Variants in TAF4 observed in about 807,000 individuals in gnomAD.
The protein encoded by TAF4 is transcription initiation factor TFIID subunit 4.
Under a neutral mutation model 90.3 loss-of-function variants are expected in TAF4, and 9 were observed. That is an observed-to-expected ratio of 0.10 (90% CI 0.06 to 0.17). The LOEUF is 0.17. TAF4 is among the 10% of genes least tolerant of loss of function. The pLI is 1.00. For synonymous variants in TAF4, 818 were observed against 638.9 expected, an observed-to-expected ratio of 1.28 and a Z score of -4.23; for missense variants, 1,351 against 1,370.7, an observed-to-expected ratio of 0.99 and a Z score of 0.23.
chr20:61,986,943 G>A (rs2123105419), intron 14 of TAF4, among the ~76,000 whole-genome samples: 1 of 152,328 alleles, frequency 6.6e-6, no homozygotes, highest in African/African-American at 2.4e-5. Flanking sequence ...GCCCACGCAG[G>A]GGCCAAAGGC....
chr20:62,041,539 G>GA (rs1203510037), intron 1 of TAF4, among the ~76,000 whole-genome samples: 1 of 152,060 alleles, frequency 6.6e-6, no homozygotes, highest in Non-Finnish European at 1.5e-5. Context: ...TGAGACAGGA[G>GA]AATTGCTTGA....
Position 62,003,256 on chromosome 20 carries a change from G to C in TAF4, c.2390C>G (p.Ala797Gly). 6.2e-7 allele frequency: 1 copy of C among 1,614,106 alleles called. No individual in the cohort carries two copies. The stretch of plus-strand genomic sequence containing the variant: ...AAGGGCTTTGGTTCCAGGTAACACG[G>C]CGGGTTTCACCACAGGGACTACAAA... ...PLQPVPVVKPAVLPGTKALSA... is the reference protein window; with the variant it reads ...PLQPVPVVKPGVLPGTKALSA... The change falls in exon 9 of 15, where the codon GCC becomes GGC. Residue 797 changes from alanine (A) to glycine (G), a missense_variant. Physicochemically the swap from Ala to Gly is moderately conservative, Grantham distance 60. Coordinates refer to ENST00000252996, the MANE Select transcript of TAF4 (RefSeq NM_003185.4).
chr20:62,064,923 G>A lies in TAF4; in HGVS notation c.888C>T (p.Ala296=), dbSNP rs1291834472. The A allele has an allele frequency of 1.6e-6, 1 of 612,048 alleles. No homozygotes were observed. The highest frequency in any genetic ancestry group is 2.0e-6 in the Non-Finnish European group (1 of 496,026). The allele number at this position is 612,048 out of a possible 1,614,324, so 37.9% of individuals were successfully genotyped here. The change falls in exon 1 of 15, where the codon GCC becomes GCT. Residue 296 remains alanine (A), a synonymous_variant. Transcript: ENST00000252996. ...HPAGPPTAAP[A]VPPPAAAQNG... ...TCTGGGCGGCGGCGGGGGGCGGCAC[G>A]GCGGGCGCGGCGGTCGGGGGTCCGG...
chr20:61,994,756 C>A (rs565454436), intron 14 of TAF4, among the ~76,000 whole-genome samples: 1 of 152,206 alleles, frequency 6.6e-6, no homozygotes, highest in Admixed American at 6.5e-5. Flanking sequence ...CACCTGCATA[C>A]CAAGAAGCGG....
chr20:62,012,109 C>A (rs2055782493), intron 3 of TAF4: 1 of 152,364 alleles, frequency 6.6e-6, no homozygotes, highest in Non-Finnish European at 1.5e-5. Flanking sequence ...AGCACCTGCT[C>A]TGGGACACGC....
intron 1 of TAF4, among the ~76,000 whole-genome samples, chr20:62,052,474 C>T (rs2056034623): frequency 6.6e-6 from 1 of 151,984 alleles, no homozygotes; most frequent in African/African-American, 2.4e-5. Context: ...CAGCTGAGAT[C>T]GACAAACCCC....
intron 7 of TAF4, chr20:62,005,203 G>A (rs146701859): frequency 6.6e-6 from 1 of 152,308 alleles, no homozygotes; most frequent in East Asian, 1.9e-4. Context: ...GCCCGGGCCA[G>A]GCCCTGCGGT....
chr20:62,047,255 GCTA>G (rs2055998737), intron 1 of TAF4, among the ~76,000 whole-genome samples: 2 of 152,284 alleles, frequency 1.3e-5, no homozygotes, highest in South Asian at 4.1e-4. Context: ...GGCTATGGTA[GCTA>G]CCACTGCAAT....
At chr20:61,983,816 C>T (rs2055565207) in intron 14 of TAF4, among the ~76,000 whole-genome samples, 2 of 152,110 alleles carry the variant, frequency 1.3e-5, no homozygotes, top group South Asian at 4.1e-4. Flanking sequence ...AAACCATATG[C>T]TACAGAGAGA....
intron 1 of TAF4, among the ~76,000 whole-genome samples, chr20:62,020,886 C>A (rs1273845391): frequency 6.6e-6 from 1 of 152,180 alleles, no homozygotes; most frequent in African/African-American, 2.4e-5. Context: ...AACAGGTGAT[C>A]AACAGAAATT....
chr20:61,996,452 G>A (rs763509154), intron 14 of TAF4, among the ~76,000 whole-genome samples: 4 of 152,084 alleles, frequency 2.6e-5, no homozygotes, highest in East Asian at 1.9e-4. Context: ...TGAAAGTTTC[G>A]CAAGAAAGAA....
intron 1 of TAF4, among the ~76,000 whole-genome samples, chr20:62,023,758 AAAAAAAAAAAAAG>A (rs1362420255): frequency 2.8e-4 from 42 of 148,612 alleles, no homozygotes; most frequent in South Asian, 4.3e-4. Context: ...AAAAAAAAAA[AAAAAAAAAAAAAG>A]AAAGAAAGAA....
At chr20:62,033,003 G>A (rs956737220) in intron 1 of TAF4, among the ~76,000 whole-genome samples, 1 of 152,170 alleles carries the variant, frequency 6.6e-6, no homozygotes, top group African/African-American at 2.4e-5. Flanking sequence ...GCTGGGAAAT[G>A]ATGGATGCGG....
intron 1 of TAF4, among the ~76,000 whole-genome samples, chr20:62,019,288 G>C (rs1027737738): frequency 1.3e-5 from 2 of 152,198 alleles, no homozygotes; most frequent in Non-Finnish European, 2.9e-5. Flanking sequence ...TAAGGACCAC[G>C]GAGGCCACCC....
At chr20:61,986,397 A>C (rs111711057) in intron 14 of TAF4, among the ~76,000 whole-genome samples, 10 of 113,878 alleles carry the variant, frequency 8.8e-5, no homozygotes, top group African/African-American at 1.9e-4. Flanking sequence ...CACCATCCCC[A>C]ATCAAAGGAA....
chr20:62,019,277 G>GT (rs972255861), intron 1 of TAF4, among the ~76,000 whole-genome samples: 28 of 152,210 alleles, frequency 1.8e-4, no homozygotes, highest in African/African-American at 6.8e-4. Context: ...CTTGGAAGCC[G>GT]TAAGGACCAC....
At chr20:62,056,259 A>G (rs1301273013) in intron 1 of TAF4, among the ~76,000 whole-genome samples, 6 of 152,138 alleles carry the variant, frequency 3.9e-5, no homozygotes, top group Admixed American at 1.3e-4. Flanking sequence ...AAAAACAAGA[A>G]CGCGCTTATA....
chr20:61,996,972 G>A (rs1305866511), intron 14 of TAF4, among the ~76,000 whole-genome samples: 1 of 152,074 alleles, frequency 6.6e-6, no homozygotes, highest in Non-Finnish European at 1.5e-5. Flanking sequence ...GAGTACCGGA[G>A]ATGGCAAATA....
intron 1 of TAF4, among the ~76,000 whole-genome samples, chr20:62,061,203 C>T (rs2056087039): frequency 6.6e-6 from 1 of 152,246 alleles, no homozygotes; most frequent in African/African-American, 2.4e-5. Flanking sequence ...GTCTGCATGC[C>T]GCCACCCAGC....
Sources: gnomAD v4.1 joint callset for allele counts (sites outside exome capture counted in the v4.1 genomes callset) on GRCh38, gnomAD v4.1.1 for gene constraint, MANE v1.5 for transcripts, NCBI Gene and HGNC (gene_info 2026-07-23, HGNC 2026-07-21) for gene names.